The following TLK1 variants were observed in gnomAD, a reference collection of about 807,000 sequenced individuals.
TLK1 encodes the protein serine/threonine-protein kinase tousled-like 1.
A neutral mutation model predicts 105.3 loss-of-function variants in TLK1; 24 were observed. The observed-to-expected ratio is 0.23, with a 90% CI of 0.17 to 0.32. TLK1 has a LOEUF of 0.32. Ranked by LOEUF, TLK1 falls within the 10% of genes least tolerant of loss-of-function variation. The probability of loss-of-function intolerance (pLI) is 1.00; values close to 1 mark genes in which losing one functional copy is unlikely to be tolerated. For missense variants in TLK1, 558 were observed against 910.5 expected (o/e 0.61, Z 4.98); for synonymous variants, 321 against 310.4 (o/e 1.03, Z -0.36).
chr2:171,200,881 C>CTTTTTT, intron 1 of TLK1, among the ~76,000 whole-genome samples: 1 of 129,698 alleles, frequency 7.7e-6, no homozygotes, highest in Non-Finnish European at 1.7e-5. Context: ...CAGATCCCTT[C>CTTTTTT]TTTTTTTTTT....
intron 2 of TLK1, among the ~76,000 whole-genome samples, chr2:171,102,087 T>C (rs1048072045): frequency 6.6e-6 from 1 of 152,228 alleles, no homozygotes; most frequent in African/African-American, 2.4e-5. Flanking sequence ...GATAACATTA[T>C]ACAGACTGCA....
At chr2:171,155,553 ATATT>A (rs1449630376) in intron 1 of TLK1, 9 of 152,204 alleles carry the variant, frequency 5.9e-5, no homozygotes, top group African/African-American at 1.9e-4. Flanking sequence ...TAGTTTAACT[ATATT>A]TAGGGATTTT....
chr2:171,085,846 T>C (rs1413705960), intron 2 of TLK1, among the ~76,000 whole-genome samples: 2 of 152,184 alleles, frequency 1.3e-5, no homozygotes, highest in African/African-American at 4.8e-5. Context: ...GGAGAGGATA[T>C]AATATTTAAT....
intron 1 of TLK1, among the ~76,000 whole-genome samples, chr2:171,157,566 T>C (rs1404388550): frequency 6.6e-6 from 1 of 152,188 alleles, no homozygotes; most frequent in Non-Finnish European, 1.5e-5. Flanking sequence ...GATTCCCAAA[T>C]CTTATAGAGC....
intron 8 of TLK1, among the ~76,000 whole-genome samples, chr2:171,050,751 G>T (rs1316894353): frequency 1.3e-5 from 2 of 152,206 alleles, no homozygotes; most frequent in South Asian, 2.1e-4. Context: ...CATATGCTCA[G>T]AGAAGAGGCT....
intron 1 of TLK1, among the ~76,000 whole-genome samples, chr2:171,185,862 G>A (rs1693016271): frequency 6.6e-6 from 1 of 152,192 alleles, no homozygotes; most frequent in African/African-American, 2.4e-5. Context: ...CTAACAGAGT[G>A]CTAACAATCT....
intron 2 of TLK1, among the ~76,000 whole-genome samples, chr2:171,113,601 CAT>C (rs1156632428): frequency 6.6e-6 from 1 of 152,000 alleles, no homozygotes; most frequent in African/African-American, 2.4e-5. Flanking sequence ...ATATGTAAAT[CAT>C]ATATGTGTTA....
chr2:171,189,196 T>C (rs1693095470), intron 1 of TLK1, among the ~76,000 whole-genome samples: 1 of 151,100 alleles, frequency 6.6e-6, no homozygotes, highest in Admixed American at 6.6e-5. Flanking sequence ...AGATGGAGTC[T>C]TGCTCTGTCG....
chr2:171,187,254 T>C (rs2105311423), intron 1 of TLK1, among the ~76,000 whole-genome samples: 1 of 152,136 alleles, frequency 6.6e-6, no homozygotes. Flanking sequence ...CATTTTGGCA[T>C]CCACTCCTAG....
chr2:171,135,422 T>C (rs527351207), intron 1 of TLK1, among the ~76,000 whole-genome samples: 2 of 151,938 alleles, frequency 1.3e-5, no homozygotes, highest in South Asian at 2.1e-4. Context: ...CTAGGCATAG[T>C]GTCTGGAGGC....
intron 1 of TLK1, among the ~76,000 whole-genome samples, chr2:171,221,307 A>T (rs2105330791): frequency 6.6e-6 from 1 of 152,330 alleles, no homozygotes; most frequent in East Asian, 1.9e-4. Context: ...AGGAACAAAA[A>T]AATGAAAAAG....
intron 11 of TLK1, among the ~76,000 whole-genome samples, chr2:171,038,219 A>C (rs994335120): frequency 3.3e-5 from 5 of 152,148 alleles, no homozygotes; most frequent in African/African-American, 1.2e-4. Context: ...TGTGGTTTTT[A>C]AAAATCAATC....
chr2:171,003,695 G>A lies in TLK1; in HGVS notation c.1904+2452C>T, dbSNP rs116905931. Among the ~76,000 whole-genome samples, 25 of 152,320 alleles carry A rather than the reference G, an allele frequency of 1.6e-4. No homozygotes were observed. The East Asian group carries it at 4.0e-3, about 25-fold the overall frequency. On this transcript the variant is annotated intron_variant, in intron 18 of 20. Transcript: ENST00000431350. ...GTTGAGCTCCTTACAATAGCAACAA[G>A]GTGTAGCTACAAAATTATTACAGTA...
chr2:171,033,726 A>G (rs1686166185), intron 11 of TLK1, among the ~76,000 whole-genome samples: 1 of 149,472 alleles, frequency 6.7e-6, no homozygotes, highest in Non-Finnish European at 1.5e-5. Flanking sequence ...CACTGAAAGT[A>G]GGCAAACACC....
Position 171,148,497 on chromosome 2 carries a change from A to C in TLK1, c.139+11793T>G, listed in dbSNP as rs143981290. Among the ~76,000 whole-genome samples the C allele has an allele frequency of 1.0e-3, 157 of 152,130 alleles. 1 individual carries two copies. Among genetic ancestry groups the C allele is most frequent in the Middle Eastern group, 6.8e-3 (2 of 294 alleles). ...AAGGCGAGACAAAAAACAAGCTAAT[A>C]TTATGGAGTCATTGCAAAGTAACTT... On this transcript the variant is annotated intron_variant, in intron 1 of 20. Transcript: ENST00000431350.
chr2:171,106,797 G>A (rs1689949681), intron 2 of TLK1, among the ~76,000 whole-genome samples: 1 of 152,096 alleles, frequency 6.6e-6, no homozygotes, highest in South Asian at 2.1e-4. Context: ...GGAGTCATTG[G>A]TCACAACTGT....
intron 18 of TLK1, among the ~76,000 whole-genome samples, chr2:171,004,625 T>A (rs1381723698): frequency 6.6e-6 from 1 of 152,070 alleles, no homozygotes; most frequent in South Asian, 2.1e-4. Context: ...GAAGCCAGAG[T>A]GAGAGAGAAA....
intron 13 of TLK1, among the ~76,000 whole-genome samples, chr2:171,011,998 C>T (rs1335738748): frequency 1.3e-5 from 2 of 151,716 alleles, no homozygotes; most frequent in Non-Finnish European, 2.9e-5. Flanking sequence ...TTAAAATTTA[C>T]CGTACTTGCC....
At chr2:171,016,898 T>C (rs1487666577) in intron 12 of TLK1, among the ~76,000 whole-genome samples, 1 of 152,128 alleles carries the variant, frequency 6.6e-6, no homozygotes, top group Non-Finnish European at 1.5e-5. Context: ...AAATAGAAAA[T>C]TTCAAAATAA....
Sources: gnomAD v4.1 joint callset for allele counts (sites outside exome capture counted in the v4.1 genomes callset) on GRCh38, gnomAD v4.1.1 for gene constraint, MANE v1.5 for transcripts, NCBI Gene and HGNC (gene_info 2026-07-23, HGNC 2026-07-21) for gene names.